THOC5: variants seen among roughly 807,000 people sequenced by gnomAD.
THOC5 encodes Fms-interacting protein.
THOC5 carries 43 observed loss-of-function variants against 92.9 expected under a neutral mutation model. That is an observed-to-expected ratio of 0.46 (90% CI 0.36 to 0.60). The LOEUF is 0.60. THOC5 is among the 20% of genes least tolerant of loss of function. The probability of loss-of-function intolerance (pLI) is 0.00; values close to 1 mark genes in which losing one functional copy is unlikely to be tolerated. For synonymous variants in THOC5, 296 were observed against 320.1 expected (o/e 0.92, Z 0.80); for missense variants, 659 against 849.4 (o/e 0.78, Z 2.79).
At chr22:29,520,911 G>A in intron 13 of THOC5, 87 bp downstream of exon 13, 2 of 977,214 alleles carry the variant, frequency 2.0e-6, no homozygotes, top group Admixed American at 1.8e-5. Flanking sequence ...GGTCACCTCT[G>A]GCCCTAACAG....
chr22:29,507,773 A>G lies in THOC5; in HGVS notation c.*684T>C, dbSNP rs2146416088. 6.6e-6 allele frequency: 1 copy of G among 152,552 alleles called. No individual in the cohort carries two copies. Among genetic ancestry groups the G allele is most frequent in the Middle Eastern group, 3.4e-3 (1 of 294 alleles). 9.4% of individuals were successfully genotyped at this position (152,552 alleles called of 1,614,324 possible). On this transcript the variant is annotated 3_prime_UTR_variant, in exon 20 of 20. Coordinates refer to ENST00000490103, the MANE Select transcript of THOC5 (RefSeq NM_003678.5). ...AATATGTACTGACTATGTTAGCAGT[A>G]AGTAACTACTAATAGCATACTACTG...
At chr22:29,518,962 G>T in intron 15 of THOC5, 44 bp downstream of exon 15, 1 of 1,225,744 alleles carries the variant, frequency 8.2e-7, no homozygotes, top group South Asian at 1.4e-5. Flanking sequence ...TTGTCCGTGT[G>T]TTGTCTGAGT....
At position 29,544,373 on chromosome 22, in the gene THOC5, A is replaced by G. The variant is rs1179082657; in HGVS notation, c.240+87T>C. 6 of 1,411,394 alleles carry G rather than the reference A, an allele frequency of 4.3e-6. No individual in the cohort carries two copies. In the Admixed American group the frequency reaches 8.9e-5, roughly 21 times the overall value. The allele number at this position is 1,411,394 out of a possible 1,614,324, so 87.4% of individuals were successfully genotyped here. On this transcript the variant is annotated intron_variant, in intron 3 of 19. Transcript: ENST00000490103. ...CTGATCATGGCTAGGACAGAAGATC[A>G]AGATCAGGAAGGGCCCTGGTAGGTG...
At chr22:29,519,547 T>A (rs2063398674) in intron 14 of THOC5, among the ~76,000 whole-genome samples, 2 of 152,110 alleles carry the variant, frequency 1.3e-5, no homozygotes, top group South Asian at 4.1e-4. Flanking sequence ...GTCTAAGACA[T>A]TTTAGTGTCC....
intron 7 of THOC5, chr22:29,534,553 C>CT (rs550793026): frequency 0.014 from 2,041 of 144,454 alleles, 29 homozygotes; most frequent in Middle Eastern, 0.025. Context: ...TTTTTTTTTT[C>CT]TTTTTTTTCT....
intron 5 of THOC5, among the ~76,000 whole-genome samples, chr22:29,541,114 G>A (rs1380957204): frequency 6.6e-6 from 1 of 151,874 alleles, no homozygotes; most frequent in Non-Finnish European, 1.5e-5. Context: ...GAACCCAGGA[G>A]GCAGAGGTTG....
At chr22:29,538,545 C>T (rs2063807053) in intron 6 of THOC5, among the ~76,000 whole-genome samples, 2 of 152,038 alleles carry the variant, frequency 1.3e-5, no homozygotes, top group Admixed American at 1.3e-4. Context: ...CACCTGTAAT[C>T]CCAGCACTTT....
At chr22:29,521,611 T>C (rs1341796722) in intron 12 of THOC5, among the ~76,000 whole-genome samples, 1 of 152,168 alleles carries the variant, frequency 6.6e-6, no homozygotes, top group Non-Finnish European at 1.5e-5. Flanking sequence ...CCAAATCTTA[T>C]GCTCATCACA....
At chr22:29,529,922 A>G (rs1041034755) in intron 8 of THOC5, among the ~76,000 whole-genome samples, 1 of 152,178 alleles carries the variant, frequency 6.6e-6, no homozygotes, top group African/African-American at 2.4e-5. Flanking sequence ...CAGGTGGATC[A>G]CCTGAGGTCA....
chr22:29,524,344 A>G (rs1601407770), intron 12 of THOC5, among the ~76,000 whole-genome samples: 1 of 152,152 alleles, frequency 6.6e-6, no homozygotes, highest in African/African-American at 2.4e-5. Context: ...TGCTTCCTCT[A>G]TGCTAAGCAC....
Position 29,531,765 on chromosome 22 carries a change from A to C in THOC5, c.847+66T>G. Reference sequence around the variant, plus strand: ...ATTTCCTGAGCAGGTACTGCTTCCAACTGATTCACTCGGCCACAGCTGCTG... The same window carrying C: ...ATTTCCTGAGCAGGTACTGCTTCCACCTGATTCACTCGGCCACAGCTGCTG... On this transcript the variant is annotated intron_variant, in intron 8 of 19. Transcript: ENST00000490103. 2.5e-6 allele frequency: 4 copies of C among 1,572,406 alleles called. No homozygotes were observed. In the South Asian group the frequency reaches 4.7e-5, roughly 18 times the overall value.
intron 15 of THOC5, among the ~76,000 whole-genome samples, chr22:29,518,208 AT>A (rs2063370194): frequency 6.6e-6 from 1 of 151,974 alleles, no homozygotes; most frequent in Non-Finnish European, 1.5e-5. Flanking sequence ...TAATTTTTGT[AT>A]TTTTAGTAGA....
intron 6 of THOC5, among the ~76,000 whole-genome samples, chr22:29,537,779 T>C (rs965857651): frequency 6.6e-5 from 10 of 152,032 alleles, no homozygotes; most frequent in Admixed American, 1.3e-4. Context: ...TAGTCCCAGC[T>C]TCTCAGGAGG....
intron 7 of THOC5, among the ~76,000 whole-genome samples, chr22:29,533,471 A>T (rs574186879): frequency 4.6e-5 from 7 of 152,360 alleles, no homozygotes; most frequent in African/African-American, 1.7e-4. Flanking sequence ...CCCTTAACTA[A>T]CAAAATCACT....
intron 9 of THOC5, 74 bp from the exon 10 acceptor site, chr22:29,528,540 G>A: frequency 1.4e-6 from 2 of 1,464,560 alleles, no homozygotes; most frequent in Non-Finnish European, 1.9e-6. Context: ...AACCCACATG[G>A]CATAAAGGGG....
intron 8 of THOC5, among the ~76,000 whole-genome samples, chr22:29,530,356 T>C (rs2146503568): frequency 6.6e-6 from 1 of 151,992 alleles, no homozygotes; most frequent in Non-Finnish European, 1.5e-5. Context: ...CTGTCTCTAC[T>C]AAATATATAA....
rs1164094918 is a variant in THOC5, at chr22:29,517,340, C to A, written c.1516G>T (p.Asp506Tyr). ...TTGGCAGGGAAGAGGTACTGGCAAT[C>A]ACTGGTAACTGGCACAATGCCATGT... ...LEHGIVPVTSDCQYLFPAKVV... is the reference protein window; with the variant it reads ...LEHGIVPVTSYCQYLFPAKVV... The change falls in exon 16 of 20, where the codon GAT (aspartate) becomes TAT (tyrosine). Residue 506 changes from aspartate to tyrosine, a missense_variant. By Grantham distance (160) the Asp-to-Tyr change is radical. Coordinates refer to ENST00000490103, the MANE Select transcript of THOC5 (RefSeq NM_003678.5). 6.2e-7 allele frequency: 1 copy of A among 1,614,164 alleles called. No individual in the cohort carries two copies. The highest frequency in any genetic ancestry group is 1.7e-5 in the Admixed American group (1 of 60,014).
chr22:29,519,054 T>A lies in THOC5; in HGVS notation c.1441A>T (p.Thr481Ser). 1 of 1,611,322 alleles carries A rather than the reference T, an allele frequency of 6.2e-7. No individual in the cohort carries two copies. The highest frequency in any genetic ancestry group is 8.5e-7 in the Non-Finnish European group (1 of 1,178,790). ...AGGGCCAGGCGGGACTGCACCCTGG[T>A]CTTCAGAAGTTTCATGGTGGTCTCC... ...HMETTMKLLK[T>S]RVQSRLALHK... Residue 481 changes from threonine to serine, a missense_variant, in exon 15 of 20, where the codon ACC becomes TCC. Coordinates refer to ENST00000490103, the MANE Select transcript of THOC5 (RefSeq NM_003678.5).
At chr22:29,522,038 G>T (rs1404774184) in intron 12 of THOC5, among the ~76,000 whole-genome samples, 1 of 152,020 alleles carries the variant, frequency 6.6e-6, no homozygotes, top group Non-Finnish European at 1.5e-5. Flanking sequence ...CTCAAATGGA[G>T]AACTGACTAC....
Sources: allele counts gnomAD v4.1 joint callset (sites outside exome capture counted in the v4.1 genomes callset), GRCh38; gene constraint gnomAD v4.1.1; transcripts MANE v1.5; gene names NCBI Gene and HGNC (gene_info 2026-07-23, HGNC 2026-07-21).